ASIC2: variants seen among roughly 807,000 people sequenced by gnomAD.
ASIC2 encodes acid sensing ion channel subunit 2.
In ASIC2, 25 loss-of-function variants were observed where a neutral mutation model predicts 57.3. The ratio of observed to expected loss-of-function variants is 0.44; its 90% CI spans 0.32 to 0.61. The LOEUF is 0.61. ASIC2 is among the 20% of genes least tolerant of loss of function. The pLI is 0.06. For missense variants in ASIC2, 641 were observed against 738.1 expected (o/e 0.87, Z 1.52); for synonymous variants, 319 against 307.5 (o/e 1.04, Z -0.39).
chr17:33,425,252 G>A (rs936332243), intron 1 of ASIC2, among the ~76,000 whole-genome samples: 5 of 152,210 alleles, frequency 3.3e-5, no homozygotes, highest in Admixed American at 1.3e-4. Context: ...ACTGCATGGT[G>A]CCTGGCACAT....
In ASIC2 at chr17:34,039,463, T is replaced by C. The variant is rs1908019418; in HGVS notation, c.555+116515A>G. The C allele has an allele frequency of 1.5e-5, 24 of 1,613,540 alleles. No homozygotes were observed. The South Asian group carries it at 2.6e-4, about 18-fold the overall frequency. Reference sequence around the variant, plus strand: ...AGCAGACTGCTCCTCCGTTGCCTCCTTTGCAGCACTGCCATCTAAACCATA... The same window carrying C: ...AGCAGACTGCTCCTCCGTTGCCTCCCTTGCAGCACTGCCATCTAAACCATA... On this transcript the variant is annotated intron_variant, in intron 1 of 9. Coordinates refer to the ASIC2 transcript ENST00000359872.
intron 1 of ASIC2, among the ~76,000 whole-genome samples, chr17:33,655,283 T>A (rs1217146272): frequency 6.6e-6 from 1 of 152,240 alleles, no homozygotes; most frequent in East Asian, 1.9e-4. Context: ...CTAAAGCACC[T>A]GGCACAATGC....
intron 1 of ASIC2, among the ~76,000 whole-genome samples, chr17:33,352,130 G>A (rs895541369): frequency 6.6e-6 from 1 of 152,016 alleles, no homozygotes. Context: ...CCACCCCTCT[G>A]AGCATGGTTC....
At chr17:33,199,074 A>G (rs1178623675) in intron 1 of ASIC2, among the ~76,000 whole-genome samples, 1 of 152,212 alleles carries the variant, frequency 6.6e-6, no homozygotes, top group Admixed American at 6.5e-5. Flanking sequence ...GTTAACGAAT[A>G]CCTCAGTTAA....
intron 1 of ASIC2, among the ~76,000 whole-genome samples, chr17:33,459,025 C>A (rs372812198): frequency 4.6e-5 from 7 of 151,892 alleles, no homozygotes; most frequent in Admixed American, 4.6e-4. Context: ...CGGGGCTCTT[C>A]TGGTTGAAAT....
At chr17:33,442,383 T>G (rs1306443241) in intron 1 of ASIC2, among the ~76,000 whole-genome samples, 1 of 152,240 alleles carries the variant, frequency 6.6e-6, no homozygotes, top group Non-Finnish European at 1.5e-5. Context: ...TTCAGTCCTT[T>G]AATTCATGAG....
At chr17:33,698,340 A>C (rs1412283081) in intron 1 of ASIC2, among the ~76,000 whole-genome samples, 1 of 152,180 alleles carries the variant, frequency 6.6e-6, no homozygotes, top group Admixed American at 6.5e-5. Context: ...GAAAAGCAGC[A>C]TCTACTTCAT....
At chr17:33,746,172 A>G (rs894667629) in intron 1 of ASIC2, among the ~76,000 whole-genome samples, 5 of 151,716 alleles carry the variant, frequency 3.3e-5, no homozygotes, top group African/African-American at 1.2e-4. Context: ...AGACAAACAA[A>G]TGATAAATTA....
At chr17:33,935,590 G>A (rs773180348) in intron 1 of ASIC2, 21 of 152,114 alleles carry the variant, frequency 1.4e-4, no homozygotes, top group Non-Finnish European at 2.6e-4. Context: ...CCCTTGCTAA[G>A]GACTCTATAA....
intron 1 of ASIC2, among the ~76,000 whole-genome samples, chr17:33,533,163 T>G (rs1287210630): frequency 6.6e-6 from 1 of 152,044 alleles, no homozygotes; most frequent in Non-Finnish European, 1.5e-5. Context: ...CTGGCCAACA[T>G]GGTGAAACCC....
rs573351805 is a variant in ASIC2, at chr17:34,155,218, C to T, written c.555+760G>A. ...AGCCAAAGCTCCCAGACAAGGCAGC[C>T]GGGACTGGTTCACCCTCACAGGCAT... is the stretch of plus-strand genomic sequence containing the variant. On this transcript the variant is annotated intron_variant, in intron 1 of 9. Transcript: ENST00000359872. 2.6e-4 allele frequency among the ~76,000 whole-genome samples: 39 copies of T among 152,236 alleles called. No homozygotes were observed. In the South Asian group the frequency reaches 3.7e-3, roughly 15 times the overall value.
chr17:33,833,535 T>C (rs548087399), intron 1 of ASIC2, among the ~76,000 whole-genome samples: 109 of 152,084 alleles, frequency 7.2e-4, no homozygotes, highest in African/African-American at 2.6e-3. Flanking sequence ...TGTGTACCTA[T>C]GTGTTTGTGT....
chr17:33,372,010 G>A (rs1210892339), intron 1 of ASIC2, among the ~76,000 whole-genome samples: 3 of 152,050 alleles, frequency 2.0e-5, no homozygotes, highest in African/African-American at 7.2e-5. Context: ...ACAATACTGA[G>A]TGTGAAGGCT....
intron 1 of ASIC2, among the ~76,000 whole-genome samples, chr17:33,750,094 C>A (rs1188061155): frequency 1.3e-5 from 2 of 152,158 alleles, no homozygotes; most frequent in African/African-American, 4.8e-5. Context: ...CTATTCTGTG[C>A]CAGCCACTCC....
At chr17:33,433,952 A>G (rs1368835526) in intron 1 of ASIC2, among the ~76,000 whole-genome samples, 2 of 151,930 alleles carry the variant, frequency 1.3e-5, no homozygotes, top group African/African-American at 4.8e-5. Flanking sequence ...GGGCACAGAG[A>G]AACAATAGGT....
rs533213693 is a variant in ASIC2 at position 33,153,822 on chromosome 17, C to T, written c.709-41755G>A. Among the ~76,000 whole-genome samples, 14 of 152,298 alleles carry T rather than the reference C, an allele frequency of 9.2e-5. No individual in the cohort carries two copies. In the East Asian group the frequency reaches 1.7e-3, roughly 19 times the overall value. The stretch of plus-strand genomic sequence containing the variant: ...TCTTGTTCCTTCCAGAGACAGCCCA[C>T]GTCCACTCTTGATCCATGTGAATTT... On this transcript the variant is annotated intron_variant, in intron 1 of 9. Transcript: ENST00000225823.
At chr17:33,951,313 G>C (rs946046510) in intron 1 of ASIC2, among the ~76,000 whole-genome samples, 9 of 152,064 alleles carry the variant, frequency 5.9e-5, no homozygotes, top group Non-Finnish European at 1.0e-4. Context: ...GCTCTGTGAG[G>C]ATAAATATCT....
intron 1 of ASIC2, chr17:34,039,585 C>T (rs1489849676): frequency 5.0e-6 from 8 of 1,613,798 alleles, no homozygotes; most frequent in African/African-American, 2.7e-5. Flanking sequence ...GGCTGGTTCC[C>T]GGCCCGCTTC....
At chr17:33,482,555 T>C (rs9893087) in intron 1 of ASIC2, among the ~76,000 whole-genome samples, 1 of 152,172 alleles carries the variant, frequency 6.6e-6, no homozygotes, top group Non-Finnish European at 1.5e-5. Flanking sequence ...CATTTTCTCA[T>C]CTGATTCTCT....
Sources: gnomAD v4.1 joint callset for allele counts (sites outside exome capture counted in the v4.1 genomes callset) on GRCh38, gnomAD v4.1.1 for gene constraint, MANE v1.5 for transcripts, NCBI Gene and HGNC (gene_info 2026-07-23, HGNC 2026-07-21) for gene names.